NKD1: variants seen among roughly 807,000 people sequenced by gnomAD.
NKD1 encodes protein naked cuticle homolog 1.
Under a neutral mutation model 56.0 loss-of-function variants are expected in NKD1, and 21 were observed. That is an observed-to-expected ratio of 0.38 (90% CI 0.27 to 0.54). NKD1 has a LOEUF of 0.54. Ranked by LOEUF, NKD1 falls within the 20% of genes least tolerant of loss-of-function variation. The probability of loss-of-function intolerance (pLI) is 0.82; values close to 1 mark genes in which losing one functional copy is unlikely to be tolerated. For missense variants in NKD1, 578 were observed against 642.7 expected, an observed-to-expected ratio of 0.90 and a Z score of 1.09; for synonymous variants, 263 against 265.7, an observed-to-expected ratio of 0.99 and a Z score of 0.10.
At chr16:50,597,433 GTTA>G (rs752854661) in intron 3 of NKD1, among the ~76,000 whole-genome samples, 50 of 152,274 alleles carry the variant, frequency 3.3e-4, no homozygotes, top group Non-Finnish European at 4.7e-4. Flanking sequence ...TTTGGAAAAA[GTTA>G]TTATTATTTT....
intron 6 of NKD1, 39 bp downstream of exon 6, chr16:50,625,619 C>A: frequency 7.5e-7 from 1 of 1,327,122 alleles, no homozygotes; most frequent in South Asian, 1.2e-5. Context: ...TGTATCATAC[C>A]CGCAGGCACA....
At chr16:50,608,132 C>T (rs1414550818) in intron 3 of NKD1, 162 bp from the exon 4 acceptor site, 1 of 661,084 alleles carries the variant, frequency 1.5e-6, no homozygotes, top group Non-Finnish European at 2.8e-6. Flanking sequence ...GCAGGAGGGA[C>T]CCACCTTGGC....
At chr16:50,587,206 G>A (rs936812080) in intron 3 of NKD1, among the ~76,000 whole-genome samples, 3 of 152,168 alleles carry the variant, frequency 2.0e-5, no homozygotes, top group African/African-American at 7.2e-5. Context: ...AATTGTGTGG[G>A]GATGATGCAA....
intron 3 of NKD1, among the ~76,000 whole-genome samples, chr16:50,580,026 G>T (rs1232182379): frequency 6.6e-6 from 1 of 151,984 alleles, no homozygotes; most frequent in Non-Finnish European, 1.5e-5. Flanking sequence ...CAGTCCCACA[G>T]GCTACCAGCT....
Position 50,548,510 on chromosome 16 carries a change from C to T in NKD1, c.-44C>T, listed in dbSNP as rs1450811671. ...CAAGGGAGGCGCCAGGCCCGCGGGC[C>T]GGGCGCATGGCTTAGGGACGCTCCC... On this transcript the variant is annotated 5_prime_UTR_variant, in exon 1 of 10. Coordinates refer to ENST00000268459, the MANE Select transcript of NKD1 (RefSeq NM_033119.5). 7.7e-6 allele frequency: 11 copies of T among 1,424,998 alleles called. No individual in the cohort carries two copies. In the East Asian group the frequency reaches 1.6e-4, roughly 20 times the overall value. The allele number at this position is 1,424,998 out of a possible 1,614,324, so 88.3% of individuals were successfully genotyped here.
rs1440798888 is a variant in NKD1, at chr16:50,648,421, C to G, written c.*14640C>G. ...CTGGAAAACATTAGGCACTCAGAATCAAGGGTTCTGGGGTCAGATGGATAA... is the reference window on the plus strand; with the variant it reads ...CTGGAAAACATTAGGCACTCAGAATGAAGGGTTCTGGGGTCAGATGGATAA... On this transcript the variant is annotated 3_prime_UTR_variant, in exon 10 of 10. Transcript: ENST00000268459. 6.5e-6 allele frequency: 1 copy of G among 152,728 alleles called. No individual in the cohort carries two copies. Among genetic ancestry groups the G allele is most frequent in the African/African-American group, 2.4e-5 (1 of 41,476 alleles). 9.5% of individuals were successfully genotyped at this position (152,728 alleles called of 1,614,324 possible). A position where few individuals can be genotyped will look rare whatever the true frequency, so the allele number is the denominator to read the frequency against.
chr16:50,554,080 C>T (rs1019857563), intron 3 of NKD1: 1 of 152,300 alleles, frequency 6.6e-6, no homozygotes, highest in Non-Finnish European at 1.5e-5. Flanking sequence ...AGTGTCTTGT[C>T]CTCACTTTGA....
At chr16:50,612,928 A>C (rs1358558401) in intron 4 of NKD1, among the ~76,000 whole-genome samples, 1 of 152,088 alleles carries the variant, frequency 6.6e-6, no homozygotes, top group Admixed American at 6.5e-5. Context: ...AGGGAGGAAG[A>C]GGGCAATGAA....
intron 3 of NKD1, among the ~76,000 whole-genome samples, chr16:50,588,791 A>G (rs994701380): frequency 6.6e-6 from 1 of 151,500 alleles, no homozygotes; most frequent in Non-Finnish European, 1.5e-5. Flanking sequence ...TTTGGTAGAG[A>G]TGGGGTTTCA....
At chr16:50,613,840 C>T (rs963907142) in intron 4 of NKD1, among the ~76,000 whole-genome samples, 1 of 152,182 alleles carries the variant, frequency 6.6e-6, no homozygotes, top group Non-Finnish European at 1.5e-5. Flanking sequence ...CTTCCCCCTC[C>T]CTCCCTGAAC....
At chr16:50,562,276 G>C (rs1033925081) in intron 3 of NKD1, 2 of 981,288 alleles carry the variant, frequency 2.0e-6, no homozygotes, top group Non-Finnish European at 2.4e-6. Context: ...GTTTCTTACA[G>C]TGTGAAAAAG....
intron 2 of NKD1, 29 bp from the exon 3 acceptor site, chr16:50,549,393 T>C (rs745943795): frequency 3.3e-5 from 53 of 1,605,940 alleles, no homozygotes; most frequent in Non-Finnish European, 4.3e-5. Context: ...GGAGCCAGAC[T>C]CAGGGGCTTC....
Position 50,636,160 on chromosome 16 carries a change from T to A in NKD1, c.*2379T>A, listed in dbSNP as rs955319990. 4 of 152,144 alleles carry A rather than the reference T, an allele frequency of 2.6e-5. No homozygotes were observed. Among genetic ancestry groups the A allele is most frequent in the African/African-American group, 9.7e-5 (4 of 41,364 alleles). The allele number at this position is 152,144 out of a possible 1,614,324, so 9.4% of individuals were successfully genotyped here. A position where few individuals can be genotyped will look rare whatever the true frequency, so the allele number is the denominator to read the frequency against. On this transcript the variant is annotated 3_prime_UTR_variant, in exon 10 of 10. Coordinates refer to ENST00000268459, the MANE Select transcript of NKD1 (RefSeq NM_033119.5). ...CCCAGATGGGGTCACGTGGCCAACC[T>A]GCCGCAAGGGGGTGGGGTCTGTACC...
chr16:50,557,248 G>A (rs1043293589), intron 3 of NKD1: 5 of 152,234 alleles, frequency 3.3e-5, no homozygotes, highest in African/African-American at 1.2e-4. Context: ...TTGAGAACAT[G>A]TACCAGGGAT....
chr16:50,632,952 C>T lies in NKD1; in HGVS notation c.824-240C>T, dbSNP rs998539064. Among the ~76,000 whole-genome samples, 1 of 152,172 alleles carries T rather than the reference C, an allele frequency of 6.6e-6. No individual in the cohort carries two copies. The highest frequency in any genetic ancestry group is 1.5e-5 in the Non-Finnish European group (1 of 68,034). On this transcript the variant is annotated intron_variant, in intron 9 of 9. Transcript: ENST00000268459. This position sits in a 1 kb window ranked among gnomAD's most constrained non-coding sequence, Gnocchi z 4.1. ...TTTCGGGGTCTCTGCTGCCATCTGT[C>T]TTTCTCGGCTCCCTCTCGGAGAGTA... is the stretch of plus-strand genomic sequence containing the variant.
intron 3 of NKD1, chr16:50,574,172 A>T (rs1960943813): frequency 1.0e-6 from 1 of 968,672 alleles, no homozygotes; most frequent in Non-Finnish European, 1.2e-6. Context: ...AGGACTGCCT[A>T]TGTTCATTCT....
chr16:50,622,284 G>A (rs1319712657), intron 5 of NKD1, among the ~76,000 whole-genome samples: 1 of 152,228 alleles, frequency 6.6e-6, no homozygotes, highest in African/African-American at 2.4e-5. Context: ...GGAGAGGGAT[G>A]TACAAGGGAG....
rs774237669 is a variant in NKD1, at chr16:50,630,814, G to A, written c.611-12G>A. The A allele has an allele frequency of 1.3e-6, 2 of 1,583,790 alleles. No individual in the cohort carries two copies. Among genetic ancestry groups the A allele is most frequent in the Non-Finnish European group, 1.7e-6 (2 of 1,165,734 alleles). On this transcript the variant is annotated splice_polypyrimidine_tract_variant and intron_variant, in intron 7 of 9. Transcript: ENST00000268459. The stretch of plus-strand genomic sequence containing the variant: ...CACCTGGTGTCTCCTGTGCTTCTCG[G>A]GCCGGACTCAGACCTGCAGAGCGCA...
chr16:50,589,749 C>CTT (rs1211893682), intron 3 of NKD1, among the ~76,000 whole-genome samples: 1 of 99,402 alleles, frequency 1.0e-5, no homozygotes, highest in Non-Finnish European at 2.0e-5. Flanking sequence ...CTTCTCTTCT[C>CTT]TTCTCTTCTC....
Sources: gnomAD v4.1 joint callset for allele counts (sites outside exome capture counted in the v4.1 genomes callset) on GRCh38, gnomAD v4.1.1 for gene constraint, Gnocchi (gnomAD v3.1) non-coding constraint, MANE v1.5 for transcripts, NCBI Gene and HGNC (gene_info 2026-07-23, HGNC 2026-07-21) for gene names.